MEGF6: variants seen among roughly 807,000 people sequenced by gnomAD.
MEGF6 encodes multiple epidermal growth factor-like domains protein 6.
In MEGF6, 184 loss-of-function variants were observed where a neutral mutation model predicts 207.1. That is an observed-to-expected ratio of 0.89 (90% CI 0.79 to 1.00). The LOEUF (loss-of-function observed/expected upper bound fraction) is 1.00, where lower values mean the gene tolerates loss of function less well. Ranked by LOEUF, MEGF6 falls within the 50% of genes least tolerant of loss-of-function variation. MEGF6 has a pLI of 0.00. For missense variants in MEGF6, 2,282 were observed against 2,202.9 expected, an observed-to-expected ratio of 1.04 and a Z score of -0.72; for synonymous variants, 1,038 against 910.0, an observed-to-expected ratio of 1.14 and a Z score of -2.53.
chr1:3,492,889 TGTGC>T (rs1279821080), intron 34 of MEGF6, 122 bp from the exon 35 acceptor site: 148 of 1,392,664 alleles, frequency 1.1e-4, no homozygotes, highest in Non-Finnish European at 1.4e-4. Context: ...TGCCTGGGTG[TGTGC>T]GGGAGCTAAG....
At chr1:3,531,494 C>T in intron 4 of MEGF6, 1 of 1,063,250 alleles carries the variant, frequency 9.4e-7, no homozygotes. Flanking sequence ...CGCAGACAAC[C>T]GAGGGAGCCG....
At chr1:3,571,408 G>A (rs1643489437) in intron 4 of MEGF6, among the ~76,000 whole-genome samples, 1 of 151,912 alleles carries the variant, frequency 6.6e-6, no homozygotes, top group African/African-American at 2.4e-5. Flanking sequence ...CTGCCCCAAA[G>A]GCCAGAGAGC....
At chr1:3,569,073 C>T (rs549957414) in intron 4 of MEGF6, among the ~76,000 whole-genome samples, 116 of 152,330 alleles carry the variant, frequency 7.6e-4, no homozygotes, top group African/African-American at 2.7e-3. Flanking sequence ...AACCCATAGC[C>T]CCAGACACTC....
chr1:3,506,537 C>T (rs569859749), intron 14 of MEGF6, among the ~76,000 whole-genome samples: 9 of 152,312 alleles, frequency 5.9e-5, no homozygotes, highest in Non-Finnish European at 8.8e-5. Flanking sequence ...CATCAGGAGC[C>T]GCCTGACTTC....
At chr1:3,611,099 T>C in intron 1 of MEGF6, 39 bp downstream of exon 1, 3 of 1,445,916 alleles carry the variant, frequency 2.1e-6, no homozygotes, top group Non-Finnish European at 2.7e-6. Context: ...CCGGGGTCCC[T>C]GGACGACCGG....
upstream of MEGF6, among the ~76,000 whole-genome samples, chr1:3,615,679 G>A (rs1644372195): frequency 6.6e-6 from 1 of 152,246 alleles, no homozygotes; most frequent in Non-Finnish European, 1.5e-5. Context: ...GCCTGCAAGA[G>A]GGCCCTGAGC....
chr1:3,537,138 G>A (rs1642357479), intron 4 of MEGF6, among the ~76,000 whole-genome samples: 1 of 152,254 alleles, frequency 6.6e-6, no homozygotes, highest in Non-Finnish European at 1.5e-5. Context: ...GGTTCCTAGG[G>A]GCTCAGGCAT....
Position 3,500,950 on chromosome 1 carries a change from C to T in MEGF6, c.2575+16G>A. On this transcript the variant is annotated intron_variant, in intron 20 of 36. Transcript: ENST00000356575. ...GAGGGATGTCTGGACAAAGGGCAAG[C>T]CAAGGGCCCCCGTACCTCTCTGGCA... 1 of 1,611,012 alleles carries T rather than the reference C, an allele frequency of 6.2e-7. No individual in the cohort carries two copies. The highest frequency in any genetic ancestry group is 1.1e-5 in the South Asian group (1 of 90,962).
chr1:3,597,931 G>A lies in MEGF6; in HGVS notation c.267-2484C>T, dbSNP rs112243707. The stretch of plus-strand genomic sequence containing the variant: ...GGGGTCCCAAGGCTCTGAGGCCTTT[G>A]TGTTTGCAAGGACAACTGCTCACGT... On this transcript the variant is annotated intron_variant, in intron 2 of 36. Transcript: ENST00000356575. 5.6e-3 allele frequency among the ~76,000 whole-genome samples: 848 copies of A among 152,344 alleles called. 7 individuals carry two copies. Among genetic ancestry groups the A allele is most frequent in the African/African-American group, 0.02 (819 of 41,580 alleles).
At chr1:3,537,066 G>A (rs1300492453) in intron 4 of MEGF6, among the ~76,000 whole-genome samples, 1 of 152,270 alleles carries the variant, frequency 6.6e-6, no homozygotes, top group Non-Finnish European at 1.5e-5. Flanking sequence ...AGTGTTGGGC[G>A]AAGCTGGGCT....
At chr1:3,507,442 C>A (rs1569989314) in intron 14 of MEGF6, among the ~76,000 whole-genome samples, 1 of 152,318 alleles carries the variant, frequency 6.6e-6, no homozygotes, top group South Asian at 2.1e-4. Context: ...ACCCAGCCAT[C>A]ACCAGCTCTA....
At chr1:3,508,980 G>A (rs886281567) in intron 12 of MEGF6, 95 bp downstream of exon 12, 91 of 1,357,250 alleles carry the variant, frequency 6.7e-5, no homozygotes, top group Non-Finnish European at 7.5e-5. Flanking sequence ...CCTTCCTCAC[G>A]TCCCCAGCCT....
intron 21 of MEGF6, among the ~76,000 whole-genome samples, chr1:3,500,373 G>A (rs1640803387): frequency 6.6e-6 from 1 of 152,266 alleles, no homozygotes. Context: ...CCTTGGTCCA[G>A]GCTGCGAAGC....
At chr1:3,551,382 C>T (rs567306960) in intron 4 of MEGF6, among the ~76,000 whole-genome samples, 4 of 152,234 alleles carry the variant, frequency 2.6e-5, no homozygotes, top group African/African-American at 7.2e-5. Flanking sequence ...GGAGCCTCCA[C>T]CAGGGGAAAC....
chr1:3,505,577 A>C (rs1487951064), intron 15 of MEGF6, 21 bp from the exon 16 acceptor site: 1 of 1,544,810 alleles, frequency 6.5e-7, no homozygotes. Context: ...AGAACCGTTG[A>C]GGGGGGCTCC....
Position 3,512,125 on chromosome 1 carries a change from A to G in MEGF6, c.857T>C (p.Val286Ala), listed in dbSNP as rs1641375025. The G allele has an allele frequency of 6.2e-7, 1 of 1,604,074 alleles. No individual in the cohort carries two copies. The highest frequency in any genetic ancestry group is 1.3e-5 in the African/African-American group (1 of 74,798). ...LAADGKACED[V>A]DECAAGLAQC... ...GGCCAGCCCTGCGGCACATTCGTCC[A>G]CATCTGGAGGGGAGAGACCACAGGG... Residue 286 changes from valine to alanine, a missense_variant, in exon 8 of 37, where the codon GTG becomes GCG. Val to Ala is a moderately conservative substitution (Grantham distance 64, BLOSUM62 0). Transcript: ENST00000356575.
intron 30 of MEGF6, among the ~76,000 whole-genome samples, chr1:3,495,054 A>C (rs2100849478): frequency 6.6e-6 from 1 of 152,260 alleles, no homozygotes; most frequent in East Asian, 1.9e-4. Context: ...GCAGCGGCCC[A>C]CTGTGAACCA....
At position 3,594,984 on chromosome 1, in the gene MEGF6, G is replaced by A. The variant is rs1486242878; in HGVS notation, c.376+354C>T. 1.3e-5 allele frequency among the ~76,000 whole-genome samples: 2 copies of A among 152,082 alleles called. No individual in the cohort carries two copies. Among genetic ancestry groups the A allele is most frequent in the African/African-American group, 4.8e-5 (2 of 41,396 alleles). The stretch of plus-strand genomic sequence containing the variant: ...GACTCAGGGAGCTGGGGGTGAGCGT[G>A]GTGTGGCAGGTAAACCCCGAACTAG... On this transcript the variant is annotated intron_variant, in intron 3 of 36. Transcript: ENST00000356575. The surrounding 1 kb of genome is among the most constrained non-coding windows in gnomAD (Gnocchi z 4.2).
chr1:3,535,152 G>C (rs369771739), intron 4 of MEGF6, among the ~76,000 whole-genome samples: 30 of 152,274 alleles, frequency 2.0e-4, no homozygotes, highest in African/African-American at 7.0e-4. Flanking sequence ...CACATGACTC[G>C]GGAAGGAGAA....
Sources: gnomAD v4.1 joint callset for allele counts (sites outside exome capture counted in the v4.1 genomes callset) on GRCh38, gnomAD v4.1.1 for gene constraint, Gnocchi (gnomAD v3.1) non-coding constraint, MANE v1.5 for transcripts, NCBI Gene and HGNC (gene_info 2026-07-23, HGNC 2026-07-21) for gene names.